NCALD: variants seen among roughly 807,000 people sequenced by gnomAD.
The protein encoded by NCALD is neurocalcin-delta.
A neutral mutation model predicts 18.6 loss-of-function variants in NCALD; 10 were observed. The ratio of observed to expected loss-of-function variants is 0.54; its 90% confidence interval spans 0.33 to 0.91. The LOEUF is 0.91. Among genes scored for constraint, NCALD ranks in the 40% least tolerant of loss-of-function variants. NCALD has a pLI of 0.03. For missense variants in NCALD, 184 were observed against 247.6 expected, an observed-to-expected ratio of 0.74 and a Z score of 1.72; for synonymous variants, 88 against 87.4, an observed-to-expected ratio of 1.01 and a Z score of -0.04.
At chr8:101,748,857 A>G (rs1300412422) in intron 1 of NCALD, among the ~76,000 whole-genome samples, 1 of 152,224 alleles carries the variant, frequency 6.6e-6, no homozygotes, top group Non-Finnish European at 1.5e-5. Flanking sequence ...GGGGATAAAG[A>G]GAAGCAGATC....
intron 2 of NCALD, among the ~76,000 whole-genome samples, chr8:101,937,257 G>C (rs956851722): frequency 2.6e-5 from 4 of 152,040 alleles, no homozygotes; most frequent in African/African-American, 4.8e-5. Context: ...TCATGTCATG[G>C]GGGTTTGTTG....
rs555956072 is a variant in NCALD at position 101,857,715 on chromosome 8, A to G, written c.-20+29426T>C. ...AGATAGAGTTCTTTCTTCTTTCAGC[A>G]TCAATGATTAATTCCGCTTTGGAGA... is the stretch of plus-strand genomic sequence containing the variant. On this transcript the variant is annotated intron_variant, in intron 4 of 6. Coordinates refer to the NCALD transcript ENST00000311028. 2.6e-5 allele frequency among the ~76,000 whole-genome samples: 4 copies of G among 152,316 alleles called. No individual in the cohort carries two copies. In the South Asian group the frequency reaches 8.3e-4, roughly 32 times the overall value.
At chr8:101,744,872 A>G (rs535472603) in intron 1 of NCALD, among the ~76,000 whole-genome samples, 3 of 152,130 alleles carry the variant, frequency 2.0e-5, no homozygotes, top group Non-Finnish European at 4.4e-5. Context: ...GATCAATAAC[A>G]CCTCATTCAC....
At chr8:101,734,883 T>C (rs1400333239) in intron 1 of NCALD, among the ~76,000 whole-genome samples, 1 of 152,218 alleles carries the variant, frequency 6.6e-6, no homozygotes, top group Non-Finnish European at 1.5e-5. Context: ...GAATCTGCAT[T>C]GATTAGATTA....
At chr8:101,854,819 A>G (rs1815241365) in intron 4 of NCALD, among the ~76,000 whole-genome samples, 1 of 152,190 alleles carries the variant, frequency 6.6e-6, no homozygotes, top group Non-Finnish European at 1.5e-5. Context: ...TCTGAATCAC[A>G]TGTTTAGGAA....
rs1814556243 is a variant in NCALD at position 101,688,342 on chromosome 8, T to G, written c.*967A>C. 3 of 216,500 alleles carry G rather than the reference T, an allele frequency of 1.4e-5. No homozygotes were observed. The South Asian group carries it at 2.1e-4, about 15-fold the overall frequency. 13.4% of individuals were successfully genotyped at this position (216,500 alleles called of 1,614,324 possible). On this transcript the variant is annotated 3_prime_UTR_variant, in exon 4 of 4. Transcript: ENST00000220931. Reference sequence around the variant, plus strand: ...ATTAAAGTTGGGCCCTAGTCAGGGTTACTTTGTATTTTTATGGAATATATA... The same window carrying G: ...ATTAAAGTTGGGCCCTAGTCAGGGTGACTTTGTATTTTTATGGAATATATA...
At chr8:101,846,996 C>G (rs1814893984) in intron 4 of NCALD, among the ~76,000 whole-genome samples, 1 of 152,144 alleles carries the variant, frequency 6.6e-6, no homozygotes, top group Non-Finnish European at 1.5e-5. Flanking sequence ...TTCTTCTTTA[C>G]CAACAGAACA....
chr8:102,040,570 G>A (rs1243797800), intron 1 of NCALD, among the ~76,000 whole-genome samples: 1 of 152,114 alleles, frequency 6.6e-6, no homozygotes, highest in African/African-American at 2.4e-5. Flanking sequence ...ACCTGTAGCT[G>A]GGAAAGAACA....
intron 2 of NCALD, among the ~76,000 whole-genome samples, chr8:101,697,934 G>A (rs1815077641): frequency 6.6e-6 from 1 of 152,138 alleles, no homozygotes. Context: ...GGAAGTTCTG[G>A]CCAGGGCAAT....
intron 1 of NCALD, among the ~76,000 whole-genome samples, chr8:101,731,527 C>T (rs1816830822): frequency 6.6e-6 from 1 of 152,104 alleles, no homozygotes; most frequent in Non-Finnish European, 1.5e-5. Context: ...CACTCCCCGC[C>T]CCCCATGGTC....
At chr8:101,978,017 A>G (rs188322838) in intron 2 of NCALD, among the ~76,000 whole-genome samples, 254 of 151,626 alleles carry the variant, frequency 1.7e-3, no homozygotes, top group African/African-American at 5.9e-3. Flanking sequence ...CCCCTCCCCA[A>G]CAAGCCCCTT....
At chr8:102,112,889 C>T (rs1173652407) in intron 1 of NCALD, among the ~76,000 whole-genome samples, 1 of 152,224 alleles carries the variant, frequency 6.6e-6, no homozygotes, top group East Asian at 1.9e-4. Flanking sequence ...CGTGCCAGCT[C>T]CTCTTCACTT....
chr8:101,702,987 A>C (rs2130170870), intron 2 of NCALD, among the ~76,000 whole-genome samples: 1 of 152,354 alleles, frequency 6.6e-6, no homozygotes, highest in South Asian at 2.1e-4. Flanking sequence ...AGGCGTGTTG[A>C]AATCTATTTA....
At chr8:101,835,078 G>T (rs1280654780) in intron 4 of NCALD, among the ~76,000 whole-genome samples, 1 of 152,174 alleles carries the variant, frequency 6.6e-6, no homozygotes, top group Non-Finnish European at 1.5e-5. Context: ...TCTTTTTGAG[G>T]GATACACTTT....
At position 101,907,166 on chromosome 8, in the gene NCALD, A is replaced by G. The variant is rs549006210; in HGVS notation, c.-107+8643T>C. On this transcript the variant is annotated intron_variant, in intron 3 of 6. Transcript: ENST00000311028. ...GATTATGGAGTTTTTGGCAACTTCT[A>G]ATTTTGCACAAAAGCAAATGTCCTA... Among the ~76,000 whole-genome samples the G allele has an allele frequency of 7.4e-4, 112 of 152,314 alleles. 1 individual carries two copies. Among genetic ancestry groups the G allele is most frequent in the African/African-American group, 2.6e-3 (110 of 41,566 alleles).
chr8:102,013,017 A>C (rs1413927828), intron 2 of NCALD, among the ~76,000 whole-genome samples: 1 of 152,146 alleles, frequency 6.6e-6, no homozygotes, highest in Non-Finnish European at 1.5e-5. Context: ...ATATACCCTC[A>C]CACACATACA....
At chr8:101,968,290 T>TAAA (rs2131882768) in intron 2 of NCALD, among the ~76,000 whole-genome samples, 1 of 152,224 alleles carries the variant, frequency 6.6e-6, no homozygotes, top group African/African-American at 2.4e-5. Context: ...TGGCCAACTT[T>TAAA]AAAGGGCAGT....
At chr8:102,025,676 A>G (rs569232167) in intron 1 of NCALD, among the ~76,000 whole-genome samples, 6 of 152,244 alleles carry the variant, frequency 3.9e-5, no homozygotes, top group African/African-American at 1.4e-4. Flanking sequence ...TCTTTTTTCT[A>G]CTAGACTACA....
At chr8:101,764,011 CACA>C (rs1811237324) in intron 1 of NCALD, among the ~76,000 whole-genome samples, 5 of 34,932 alleles carry the variant, frequency 1.4e-4, no homozygotes, top group African/African-American at 3.3e-4. Context: ...CACACACACA[CACA>C]CCCCCTATTG....
Sources: allele counts gnomAD v4.1 joint callset (sites outside exome capture counted in the v4.1 genomes callset), GRCh38; gene constraint gnomAD v4.1.1; transcripts MANE v1.5; gene names NCBI Gene and HGNC (gene_info 2026-07-23, HGNC 2026-07-21).